The following TOP6BL variants were observed in gnomAD, a reference collection of about 807,000 sequenced individuals.
TOP6BL encodes the protein type 2 DNA topoisomerase 6 subunit B-like.
chr11:66,762,668 A>G, the TOP6BL span, among the ~76,000 whole-genome samples: 1 of 152,024 alleles, frequency 6.6e-6, no homozygotes, highest in Non-Finnish European at 1.5e-5. Context: ...ACGGGGTTTC[A>G]CCATGTTGGT....
the TOP6BL span, among the ~76,000 whole-genome samples, chr11:66,745,116 G>A: frequency 6.6e-6 from 1 of 152,240 alleles, no homozygotes; most frequent in East Asian, 1.9e-4. Flanking sequence ...GTACTCTGTG[G>A]GGGAACGACG....
At chr11:66,758,398 GCCTCCTGGGTTCACGCCATT>G in the TOP6BL span, 1 of 134,372 alleles carries the variant, frequency 7.4e-6, no homozygotes, top group Non-Finnish European at 1.5e-5. Context: ...TGCAAGCTCC[GCCTCCTGGGTTCACGCCATT>G]CCCCTGCCTC....
At chr11:66,816,910 T>C in the TOP6BL span, among the ~76,000 whole-genome samples, 41 of 152,092 alleles carry the variant, frequency 2.7e-4, 1 homozygote, top group African/African-American at 9.6e-4. Context: ...TCTCAGCACT[T>C]TGGGAGGTTG....
the TOP6BL span, among the ~76,000 whole-genome samples, chr11:66,819,957 T>C: frequency 6.7e-6 from 1 of 148,408 alleles, no homozygotes; most frequent in African/African-American, 2.5e-5. Flanking sequence ...TGTACACCTG[T>C]GGTCCCAGCT....
the TOP6BL span, chr11:66,815,716 A>C: frequency 4.6e-6 from 1 of 215,372 alleles, no homozygotes; most frequent in African/African-American, 2.3e-5. Flanking sequence ...TTGTCATTAC[A>C]CTCAGGTGAA....
the TOP6BL span, among the ~76,000 whole-genome samples, chr11:66,796,577 T>C: frequency 6.6e-6 from 1 of 151,940 alleles, no homozygotes; most frequent in Non-Finnish European, 1.5e-5. Context: ...TCCAGGAGTT[T>C]AAGACCAGCC....
chr11:66,790,027 C>T, the TOP6BL span, among the ~76,000 whole-genome samples: 1 of 152,156 alleles, frequency 6.6e-6, no homozygotes, highest in Admixed American at 6.5e-5. Flanking sequence ...AATCCCAGCA[C>T]TTTGGGAGGC....
At chr11:66,753,406 CTT>C in the TOP6BL span, among the ~76,000 whole-genome samples, 71 of 120,668 alleles carry the variant, frequency 5.9e-4, no homozygotes, top group South Asian at 1.0e-3. Context: ...AGGACTTAGT[CTT>C]TTTTTTTTTT....
At chr11:66,781,987 C>G in the TOP6BL span, among the ~76,000 whole-genome samples, 7 of 152,242 alleles carry the variant, frequency 4.6e-5, no homozygotes, top group Non-Finnish European at 8.8e-5. Context: ...AATTTTTGCT[C>G]TAGTAGGCTA....
the TOP6BL span, among the ~76,000 whole-genome samples, chr11:66,834,034 A>G: frequency 2.0e-5 from 3 of 152,034 alleles, no homozygotes; most frequent in Non-Finnish European, 4.4e-5. Flanking sequence ...TAGCCCAATT[A>G]ATTTGGCATA....
At chr11:66,828,968 G>GT in the TOP6BL span, among the ~76,000 whole-genome samples, 400 of 129,254 alleles carry the variant, frequency 3.1e-3, no homozygotes, top group African/African-American at 8.5e-3. Flanking sequence ...GTGTGTGTGT[G>GT]TTTTTTGTTT....
chr11:66,796,551 G>A, the TOP6BL span, among the ~76,000 whole-genome samples: 271 of 152,118 alleles, frequency 1.8e-3, no homozygotes, highest in African/African-American at 6.2e-3. Context: ...AGGCCGAGGC[G>A]GGAGGATCGC....
At chr11:66,772,110 C>G in the TOP6BL span, among the ~76,000 whole-genome samples, 1 of 152,024 alleles carries the variant, frequency 6.6e-6, no homozygotes, top group South Asian at 2.1e-4. Context: ...GATTCCAACC[C>G]TTATGGATGA....
At chr11:66,812,900 G>C in the TOP6BL span, among the ~76,000 whole-genome samples, 1 of 152,190 alleles carries the variant, frequency 6.6e-6, no homozygotes, top group Non-Finnish European at 1.5e-5. Flanking sequence ...GCACAGGACT[G>C]CCCACCGCAG....
chr11:66,754,555 T>C, the TOP6BL span, among the ~76,000 whole-genome samples: 2 of 152,202 alleles, frequency 1.3e-5, no homozygotes, highest in South Asian at 2.1e-4. Flanking sequence ...TAAAGCTGAT[T>C]TGAAATTTTA....
chr11:66,779,535 G>A, the TOP6BL span, among the ~76,000 whole-genome samples: 2 of 152,184 alleles, frequency 1.3e-5, no homozygotes, highest in African/African-American at 4.8e-5. Context: ...AGGATGTGGA[G>A]AAATAGGAAC....
At chr11:66,780,883 TGGC>T in the TOP6BL span, among the ~76,000 whole-genome samples, 1 of 152,176 alleles carries the variant, frequency 6.6e-6, no homozygotes, top group Non-Finnish European at 1.5e-5. Context: ...CGCGTGGACC[TGGC>T]CTTTATTGTT....
At chr11:66,783,522 T>A in the TOP6BL span, among the ~76,000 whole-genome samples, 1 of 152,240 alleles carries the variant, frequency 6.6e-6, no homozygotes, top group Non-Finnish European at 1.5e-5. Flanking sequence ...TTAATTTTTT[T>A]GGTAGCTCGT....
chr11:66,773,619 T>C, the TOP6BL span, among the ~76,000 whole-genome samples: 1 of 152,206 alleles, frequency 6.6e-6, no homozygotes, highest in Non-Finnish European at 1.5e-5. Flanking sequence ...TCTTTTATTC[T>C]TTCTTTTGCT....
Sources: gnomAD v4.1 joint callset for allele counts (sites outside exome capture counted in the v4.1 genomes callset) on GRCh38, gnomAD v4.1.1 for gene constraint, MANE v1.5 for transcripts, NCBI Gene and HGNC (gene_info 2026-07-23, HGNC 2026-07-21) for gene names.